Variants in CLEC4A observed in about 807,000 individuals in gnomAD.
The protein encoded by CLEC4A is C-type lectin domain family 4 member A, also known as C-type (calcium dependent, carbohydrate-recognition domain) lectin, superfamily member 6.
A neutral mutation model predicts 32.7 loss-of-function variants in CLEC4A; 27 were observed. The observed-to-expected ratio is 0.83, with a 90% CI of 0.61 to 1.14. The LOEUF (loss-of-function observed/expected upper bound fraction) is 1.14. Among genes scored for constraint, CLEC4A ranks in the 50% most tolerant of loss-of-function variants. CLEC4A has a pLI of 0.00. For synonymous variants in CLEC4A, 89 were observed against 93.7 expected (o/e 0.95, Z 0.29); for missense variants, 253 against 274.6 (o/e 0.92, Z 0.55).
intron 5 of CLEC4A, 39 bp from the exon 6 acceptor site, chr12:8,138,101 T>C: frequency 1.9e-6 from 3 of 1,599,534 alleles, no homozygotes; most frequent in African/African-American, 2.7e-5. Flanking sequence ...TTCAAAGCTC[T>C]GTTTGAAGAA....
chr12:8,107,420 A>T, the CLEC4A span, among the ~76,000 whole-genome samples: 2 of 152,110 alleles, frequency 1.3e-5, no homozygotes, highest in Non-Finnish European at 2.9e-5. Context: ...TCCTCCTCAA[A>T]TTTTTGGAAC....
At position 8,135,692 on chromosome 12, in the gene CLEC4A, A is replaced by G. The variant is rs147842352; in HGVS notation, c.406A>G (p.Arg136Gly). The change falls in exon 4 of 6, where the codon AGA (arginine) becomes GGA (glycine). Residue 136 changes from arginine (R) to glycine (G), a missense_variant. Transcript: ENST00000229332. ...SWQDSEKDCA[R>G]MEAHLLVINT... ...GCAAGACAGTGAGAAGGACTGTGCT[A>G]GAATGGAGGCTCACCTGCTGGTGAT... The G allele has an allele frequency of 2.4e-5, 38 of 1,614,214 alleles. No individual in the cohort carries two copies. The African/African-American group carries it at 4.9e-4, about 21-fold the overall frequency.
chr12:8,138,364 A>G lies in CLEC4A; in HGVS notation c.*77A>G, dbSNP rs1283827308. 4.1e-5 allele frequency: 63 copies of G among 1,535,594 alleles called. No homozygotes were observed. Among genetic ancestry groups the G allele is most frequent in the Non-Finnish European group, 5.1e-5 (57 of 1,121,660 alleles). ...GATAGATAATAAGCTCTTCTTATTC[A>G]TGTGTAAGGGAGGTCCATAGAATTT... On this transcript the variant is annotated 3_prime_UTR_variant, in exon 6 of 6. Transcript: ENST00000229332.
intron 4 of CLEC4A, 68 bp from the exon 5 acceptor site, chr12:8,136,720 T>C: frequency 2.2e-6 from 2 of 920,000 alleles, no homozygotes; most frequent in Non-Finnish European, 3.5e-6. Context: ...CTTGTTTCTC[T>C]AAGGTATTAA....
chr12:8,136,862 T>G lies in CLEC4A; in HGVS notation c.525T>G (p.His175Gln), dbSNP rs1405547401. 1.9e-6 allele frequency: 3 copies of G among 1,613,548 alleles called. No individual in the cohort carries two copies. The South Asian group carries it at 3.3e-5, about 18-fold the overall frequency. Residue 175 changes from histidine (H) to glutamine (Q), a missense_variant, in exon 5 of 6, where the codon CAT (histidine) becomes CAG (glutamine). By Grantham distance (24) the His-to-Gln change is conservative (BLOSUM62 0). Transcript: ENST00000229332. ...TCTCAGATCCAGAAGGTCAGCGACA[T>G]TGGCAATGGGTTGATCAGACACCAT... is the stretch of plus-strand genomic sequence containing the variant. ...VGLSDPEGQR[H>Q]WQWVDQTPYN... is the part of the protein sequence containing the mutation.
the CLEC4A span, among the ~76,000 whole-genome samples, chr12:8,103,371 C>CTTTTTTTTTTTTTTTTTT: frequency 2.0e-5 from 1 of 49,024 alleles, no homozygotes. Context: ...TTGTTTCTTT[C>CTTTTTTTTTTTTTTTTTT]TGTTGTTTTT....
At chr12:8,116,306 T>C in the CLEC4A span, among the ~76,000 whole-genome samples, 3 of 152,112 alleles carry the variant, frequency 2.0e-5, no homozygotes, top group African/African-American at 7.2e-5. Context: ...TTCACTATGT[T>C]GCCCAGGCTG....
At chr12:8,114,716 A>G in the CLEC4A span, among the ~76,000 whole-genome samples, 5 of 152,298 alleles carry the variant, frequency 3.3e-5, no homozygotes, top group South Asian at 1.0e-3. Context: ...GGAAGTCTCA[A>G]TTCCAGCTCC....
rs1948045862 is a variant in CLEC4A at position 8,133,992 on chromosome 12, A to G, written c.299-1593A>G. On this transcript the variant is annotated intron_variant, in intron 3 of 5. Coordinates refer to ENST00000229332, the MANE Select transcript of CLEC4A (RefSeq NM_016184.4). ...TCTCGTTGTGCATAGCCACTGCTTG[A>G]TCGCTTGCCCTTCTGGCGCCGGTTA... is the stretch of plus-strand genomic sequence containing the variant. 40 of 1,607,740 alleles carry G rather than the reference A, an allele frequency of 2.5e-5. No homozygotes were observed. In the South Asian group the frequency reaches 4.2e-4, roughly 17 times the overall value.
At chr12:8,106,460 AT>A in the CLEC4A span, among the ~76,000 whole-genome samples, 1 of 152,182 alleles carries the variant, frequency 6.6e-6, no homozygotes, top group African/African-American at 2.4e-5. Flanking sequence ...ATAGCATCAA[AT>A]CTATAAATTG....
intron 4 of CLEC4A, 106 bp from the exon 5 acceptor site, chr12:8,136,682 A>T: frequency 1.5e-6 from 1 of 652,302 alleles, no homozygotes; most frequent in Non-Finnish European, 2.8e-6. Context: ...GCTCTAATGC[A>T]GCTGTTGCTG....
chr12:8,116,055 G>A, the CLEC4A span, among the ~76,000 whole-genome samples: 109 of 152,200 alleles, frequency 7.2e-4, no homozygotes, highest in African/African-American at 2.6e-3. Context: ...CTGCCTCCCA[G>A]GCTCAAGCGA....
chr12:8,103,373 G>GATTTTT, the CLEC4A span, among the ~76,000 whole-genome samples: 1 of 78,036 alleles, frequency 1.3e-5, no homozygotes, highest in African/African-American at 5.5e-5. Flanking sequence ...GTTTCTTTCT[G>GATTTTT]TTGTTTTTTT....
At chr12:8,115,183 G>A in the CLEC4A span, among the ~76,000 whole-genome samples, 1 of 152,174 alleles carries the variant, frequency 6.6e-6, no homozygotes, top group Non-Finnish European at 1.5e-5. Context: ...TGGCAAATAT[G>A]TTTGAACACC....
At chr12:8,116,826 G>A in the CLEC4A span, among the ~76,000 whole-genome samples, 14 of 152,148 alleles carry the variant, frequency 9.2e-5, no homozygotes, top group Non-Finnish European at 1.9e-4. Flanking sequence ...CTTTTGTGGG[G>A]ATAGGAAACT....
intron 3 of CLEC4A, among the ~76,000 whole-genome samples, chr12:8,130,350 A>C (rs114866484): frequency 0.023 from 3,543 of 152,054 alleles, 129 homozygotes; most frequent in African/African-American, 0.08. Context: ...TATTTAAATT[A>C]TTTAAATTAA....
chr12:8,134,880 A>C, intron 3 of CLEC4A: 1 of 1,497,138 alleles, frequency 6.7e-7, no homozygotes, highest in South Asian at 1.3e-5. Context: ...AAGCATGGTG[A>C]AATCTTGGTT....
rs1398949820 is a variant in CLEC4A at position 8,125,548 on chromosome 12, GCTT to G, written c.83-5_83-3del. ...ACTTATTACTGATAAAACTAATTTGGCTTCTTCTTCAGCTTCCAAGGAGAGGAC... is the reference window on the plus strand; with the variant it reads ...ACTTATTACTGATAAAACTAATTTGGCTTCTTCAGCTTCCAAGGAGAGGAC... On this transcript the variant is annotated splice_polypyrimidine_tract_variant and intron_variant, in intron 1 of 5. Transcript: ENST00000229332. 2 of 1,496,904 alleles carry G rather than the reference GCTT, an allele frequency of 1.3e-6. No homozygotes were observed. Among genetic ancestry groups the G allele is most frequent in the East Asian group, 2.3e-5 (1 of 44,346 alleles). The allele number at this position is 1,496,904 out of a possible 1,614,324, so 92.7% of individuals were successfully genotyped here. A position where few individuals can be genotyped will look rare whatever the true frequency, so the allele number is the denominator to read the frequency against.
chr12:8,108,481 A>G, the CLEC4A span, among the ~76,000 whole-genome samples: 6 of 152,322 alleles, frequency 3.9e-5, no homozygotes, highest in Non-Finnish European at 5.9e-5. Context: ...GGAAATACAT[A>G]TGTGACTATA....
Sources: gnomAD v4.1 joint callset for allele counts (sites outside exome capture counted in the v4.1 genomes callset) on GRCh38, gnomAD v4.1.1 for gene constraint, MANE v1.5 for transcripts, NCBI Gene and HGNC (gene_info 2026-07-23, HGNC 2026-07-21) for gene names.